The following PACS2 variants were observed in gnomAD, a reference collection of about 807,000 sequenced individuals.
PACS2 encodes the protein PACS1-like protein.
A neutral mutation model predicts 113.0 loss-of-function variants in PACS2; 36 were observed. The observed-to-expected ratio is 0.32, with a 90% CI of 0.24 to 0.42. PACS2 has a LOEUF of 0.42. Among genes scored for constraint, PACS2 ranks in the 10% least tolerant of loss-of-function variants. The pLI, the probability that PACS2 is intolerant of heterozygous loss-of-function variation, is 1.00. For synonymous variants in PACS2, 589 were observed against 536.1 expected (o/e 1.10, Z -1.36); for missense variants, 1,015 against 1,239.5 (o/e 0.82, Z 2.72).
chr14:105,379,622 C>T (rs1484593193), intron 9 of PACS2, 117 bp from the exon 10 acceptor site: 19 of 810,102 alleles, frequency 2.3e-5, no homozygotes, highest in Non-Finnish European at 3.4e-5. Flanking sequence ...GGACCCAGCT[C>T]TGCTCTGCCG....
chr14:105,326,953 T>C (rs2059133022), intron 1 of PACS2, among the ~76,000 whole-genome samples: 1 of 152,218 alleles, frequency 6.6e-6, no homozygotes. Context: ...TTTTCCCACC[T>C]AGCTGGACGT....
At chr14:105,328,526 A>G (rs1242635619) in intron 1 of PACS2, among the ~76,000 whole-genome samples, 2 of 152,208 alleles carry the variant, frequency 1.3e-5, no homozygotes, top group South Asian at 4.1e-4. Context: ...TCTCGAGGAC[A>G]CTGGCAGCAG....
At chr14:105,350,360 G>A (rs1555403683) in intron 2 of PACS2, among the ~76,000 whole-genome samples, 1 of 152,152 alleles carries the variant, frequency 6.6e-6, no homozygotes, top group African/African-American at 2.4e-5. Flanking sequence ...TCTGGCATGG[G>A]GCCCCACCCC....
At position 105,382,032 on chromosome 14, in the gene PACS2, C is replaced by G. The variant is rs782112732; in HGVS notation, c.1387C>G (p.Arg463Gly). ...SLDNERCPDA[R>G]SQLQVQLQIP... is the part of the protein sequence containing the mutation. The stretch of plus-strand genomic sequence containing the variant: ...GGACAACGAGCGCTGCCCGGACGCC[C>G]GGAGCCAGCTACAGGTGCAGCTGCA... The change falls in exon 13 of 25, where the codon CGG (arginine) becomes GGG (glycine). Residue 463 changes from arginine (R) to glycine (G), a missense_variant. Around this residue, in one of 3 missense-constraint regions of PACS2, gnomAD observed 859 missense variants for 1,056.8 expected, o/e 0.81. Transcript: ENST00000447393. 3.9e-6 allele frequency: 6 copies of G among 1,549,052 alleles called. No homozygotes were observed. In the African/African-American group the frequency reaches 6.9e-5, roughly 18 times the overall value.
In PACS2 at chr14:105,391,444, G is replaced by A. The variant is rs182194206; in HGVS notation, c.2120-187G>A. The A allele has an allele frequency of 1.1e-4, 71 of 668,060 alleles. No individual in the cohort carries two copies. The Admixed American group carries it at 1.9e-3, about 18-fold the overall frequency. 41.4% of individuals were successfully genotyped at this position (668,060 alleles called of 1,614,324 possible). A position where few individuals can be genotyped will look rare whatever the true frequency, so the allele number is the denominator to read the frequency against. On this transcript the variant is annotated intron_variant, in intron 21 of 24. Coordinates refer to ENST00000447393, the MANE Select transcript of PACS2 (RefSeq NM_001100913.3). ...TGTCACAAAGCCCCACATCAAGGCT[G>A]GCAGGGTTGTCTTCCAAAAACCGAG...
chr14:105,344,663 G>A (rs1021596585), intron 1 of PACS2, among the ~76,000 whole-genome samples: 1 of 152,106 alleles, frequency 6.6e-6, no homozygotes, highest in Non-Finnish European at 1.5e-5. Context: ...CTTTGTTTGG[G>A]TAGAGGTTTT....
rs1555408508 is a variant in PACS2 at position 105,368,447 on chromosome 14, A to G, written c.661-12A>G. 1 of 1,610,336 alleles carries G rather than the reference A, an allele frequency of 6.2e-7. No individual in the cohort carries two copies. Among genetic ancestry groups the G allele is most frequent in the South Asian group, 1.1e-5 (1 of 91,006 alleles). ...GCTGCCGTGGCCTCAGCCACTGCATATGTCTCTGCAGGACTTGGACGAGGA... is the reference window on the plus strand; with the variant it reads ...GCTGCCGTGGCCTCAGCCACTGCATGTGTCTCTGCAGGACTTGGACGAGGA... On this transcript the variant is annotated splice_polypyrimidine_tract_variant and intron_variant, in intron 6 of 24. Transcript: ENST00000447393.
At chr14:105,389,401 CA>C (rs2081282658) in intron 19 of PACS2, 1 of 159,702 alleles carries the variant, frequency 6.3e-6, no homozygotes, top group Admixed American at 5.9e-5. Context: ...CATGGAGGCC[CA>C]CTGCAGCCAA....
Position 105,354,955 on chromosome 14 carries a change from C to G in PACS2, c.298-97C>G. The G allele has an allele frequency of 7.7e-7, 1 of 1,305,706 alleles. No individual in the cohort carries two copies. The highest frequency in any genetic ancestry group is 1.1e-6 in the Non-Finnish European group (1 of 939,172). The allele number at this position is 1,305,706 out of a possible 1,614,324, so 80.9% of individuals were successfully genotyped here. ...CCGATCTCATGGGCAGCAGGTTGGCCTGGTCGCAGGCTGCAGGGTGGCTGG... is the reference window on the plus strand; with the variant it reads ...CCGATCTCATGGGCAGCAGGTTGGCGTGGTCGCAGGCTGCAGGGTGGCTGG... On this transcript the variant is annotated intron_variant, in intron 3 of 24. Coordinates refer to ENST00000447393, the MANE Select transcript of PACS2 (RefSeq NM_001100913.3). This position sits in a 1 kb window ranked among gnomAD's most constrained non-coding sequence, Gnocchi z 4.2.
At chr14:105,379,709 C>T (rs782416608) in intron 9 of PACS2, 30 bp from the exon 10 acceptor site, 5 of 1,573,760 alleles carry the variant, frequency 3.2e-6, no homozygotes, top group East Asian at 2.2e-5. Context: ...TGGAAATTAA[C>T]GTGTCCCCCA....
At position 105,356,381 on chromosome 14, in the gene PACS2, G is replaced by A. The variant is rs1455038328; in HGVS notation, c.423+1204G>A. On this transcript the variant is annotated intron_variant, in intron 4 of 24. Transcript: ENST00000447393. This position sits in a 1 kb window ranked among gnomAD's most constrained non-coding sequence, Gnocchi z 4.0. ...TTCTCCGTGCCGCCGCAGGGCCTCA[G>A]ACAAGCTTTGCAGTCTTCCCGATTC... is the stretch of plus-strand genomic sequence containing the variant. Among the ~76,000 whole-genome samples the A allele has an allele frequency of 6.6e-6, 1 of 152,222 alleles. No individual in the cohort carries two copies. The highest frequency in any genetic ancestry group is 1.5e-5 in the Non-Finnish European group (1 of 68,032).
At chr14:105,334,757 A>C (rs2059445301) in intron 1 of PACS2, among the ~76,000 whole-genome samples, 2 of 152,252 alleles carry the variant, frequency 1.3e-5, no homozygotes, top group Non-Finnish European at 2.9e-5. Flanking sequence ...TCACAGGTGC[A>C]CGTGGCCACA....
chr14:105,315,014 C>T lies in PACS2; in HGVS notation c.96C>T (p.Gly32=), dbSNP rs1595538340. The T allele has an allele frequency of 2.4e-6, 3 of 1,239,940 alleles. No homozygotes were observed. The highest frequency in any genetic ancestry group is 3.1e-6 in the Non-Finnish European group (3 of 972,438). 76.8% of individuals were successfully genotyped at this position (1,239,940 alleles called of 1,614,324 possible). A position where few individuals can be genotyped will look rare whatever the true frequency, so the allele number is the denominator to read the frequency against. The stretch of plus-strand genomic sequence containing the variant: ...TGTTCGCCACCTGGGAGGTGGACGG[C>T]TCCAGCCCCAGCTGCGTGCCCAGGT... ...MNLFATWEVD[G]SSPSCVPRLC... is the part of the protein sequence containing the mutation. Residue 32 remains glycine, a synonymous_variant, in exon 1 of 25, where the codon GGC becomes GGT. Transcript: ENST00000447393. This position sits in a 1 kb window ranked among gnomAD's most constrained non-coding sequence, Gnocchi z 4.4.
intron 4 of PACS2, among the ~76,000 whole-genome samples, chr14:105,364,600 A>G (rs1301473359): frequency 2.0e-5 from 3 of 150,660 alleles, no homozygotes; most frequent in Non-Finnish European, 4.4e-5. Context: ...GTCTCAGAAC[A>G]TACCTCTGTC....
chr14:105,391,407 T>G lies in PACS2; in HGVS notation c.2119+158T>G. The stretch of plus-strand genomic sequence containing the variant: ...CTTCTGTCCTGCGGGGGGTTCATCC[T>G]CCAAGGACTGCTGTCACAAAGCCCC... On this transcript the variant is annotated intron_variant, in intron 21 of 24. Coordinates refer to ENST00000447393, the MANE Select transcript of PACS2 (RefSeq NM_001100913.3). The G allele has an allele frequency of 4.4e-6, 3 of 676,846 alleles. No homozygotes were observed. In the South Asian group the frequency reaches 5.3e-5, roughly 12 times the overall value. 41.9% of individuals were successfully genotyped at this position (676,846 alleles called of 1,614,324 possible).
rs2081296077 is a variant in PACS2, at chr14:105,389,808, G to A, written c.2034-153G>A. On this transcript the variant is annotated intron_variant, in intron 19 of 24. Coordinates refer to ENST00000447393, the MANE Select transcript of PACS2 (RefSeq NM_001100913.3). ...CTGGCAGTGGTTGGAGATGGGTGGGGCCGGGACACACAGGGCAGGGCTGTC... is the reference window on the plus strand; with the variant it reads ...CTGGCAGTGGTTGGAGATGGGTGGGACCGGGACACACAGGGCAGGGCTGTC... The A allele has an allele frequency of 6.1e-5, 44 of 719,164 alleles. No individual in the cohort carries two copies. In the South Asian group the frequency reaches 6.2e-4, roughly 10 times the overall value. 44.5% of individuals were successfully genotyped at this position (719,164 alleles called of 1,614,324 possible).
intron 4 of PACS2, among the ~76,000 whole-genome samples, chr14:105,359,718 A>G (rs2060603480): frequency 6.6e-6 from 1 of 150,434 alleles, no homozygotes. Flanking sequence ...CAGCCTCCCG[A>G]GTAGCTGGGA....
At chr14:105,331,770 T>G (rs1212921565) in intron 1 of PACS2, among the ~76,000 whole-genome samples, 1 of 152,246 alleles carries the variant, frequency 6.6e-6, no homozygotes, top group East Asian at 1.9e-4. Context: ...TGCTGCTACT[T>G]TGCTCACCTG....
intron 7 of PACS2, 77 bp downstream of exon 7, chr14:105,368,616 G>T (rs1242634508): frequency 1.8e-6 from 2 of 1,115,582 alleles, no homozygotes; most frequent in Non-Finnish European, 2.7e-6. Flanking sequence ...GCGTGGGGGG[G>T]ACACGGGCGT....
Sources: gnomAD v4.1 joint callset for allele counts (sites outside exome capture counted in the v4.1 genomes callset) on GRCh38, gnomAD v4.1.1 for gene constraint, gnomAD v4.1.1 regional missense constraint, Gnocchi (gnomAD v3.1) non-coding constraint, MANE v1.5 for transcripts, NCBI Gene and HGNC (gene_info 2026-07-23, HGNC 2026-07-21) for gene names.